Variants in MAGI2 observed in about 807,000 individuals in gnomAD.
The protein encoded by MAGI2 is membrane-associated guanylate kinase, WW and PDZ domain-containing protein 2.
A neutral mutation model predicts 133.3 loss-of-function variants in MAGI2; 35 were observed. The ratio of observed to expected loss-of-function variants is 0.26; its 90% CI spans 0.20 to 0.35. The LOEUF (loss-of-function observed/expected upper bound fraction) is 0.35. Among genes scored for constraint, MAGI2 ranks in the 10% least tolerant of loss-of-function variants. The pLI, the probability that MAGI2 is intolerant of heterozygous loss-of-function variation, is 1.00. For synonymous variants in MAGI2, 729 were observed against 710.6 expected, an observed-to-expected ratio of 1.03 and a Z score of -0.41; for missense variants, 1,636 against 1,863.4, an observed-to-expected ratio of 0.88 and a Z score of 2.25.
At chr7:78,937,066 A>C (rs1217975146) in intron 2 of MAGI2, among the ~76,000 whole-genome samples, 1 of 152,036 alleles carries the variant, frequency 6.6e-6, no homozygotes, top group Non-Finnish European at 1.5e-5. Flanking sequence ...GGCTAATAGC[A>C]GTTCCGGGGA....
At chr7:78,678,021 T>C (rs1167155454) in intron 2 of MAGI2, among the ~76,000 whole-genome samples, 2 of 152,062 alleles carry the variant, frequency 1.3e-5, no homozygotes, top group African/African-American at 4.8e-5. Context: ...AAAATTCATA[T>C]TCAAGTTCAG....
intron 1 of MAGI2, among the ~76,000 whole-genome samples, chr7:79,173,498 T>C (rs991944224): frequency 6.6e-6 from 1 of 152,076 alleles, no homozygotes; most frequent in Admixed American, 6.6e-5. Flanking sequence ...GCTTACTTTT[T>C]TATTTTTAAT....
chr7:79,222,374 T>C (rs897474424), intron 1 of MAGI2, among the ~76,000 whole-genome samples: 3 of 152,198 alleles, frequency 2.0e-5, no homozygotes, highest in East Asian at 3.9e-4. Flanking sequence ...TTATATTATT[T>C]ATACACTTTG....
chr7:78,974,717 C>A (rs1804089435), intron 2 of MAGI2, among the ~76,000 whole-genome samples: 1 of 151,742 alleles, frequency 6.6e-6, no homozygotes, highest in Non-Finnish European at 1.5e-5. Flanking sequence ...TCACAGACAT[C>A]TAATCCTTAT....
chr7:79,415,133 G>A (rs1474982505), intron 1 of MAGI2: 2 of 152,092 alleles, frequency 1.3e-5, no homozygotes, highest in African/African-American at 4.8e-5. Context: ...ATCCAGTTTT[G>A]CTCATTACTC....
intron 1 of MAGI2, among the ~76,000 whole-genome samples, chr7:79,408,676 A>G (rs980016486): frequency 3.9e-5 from 6 of 152,130 alleles, no homozygotes; most frequent in African/African-American, 1.2e-4. Context: ...AGTAGAAACC[A>G]GGAACAAGTT....
chr7:78,354,115 G>C (rs1304078756), intron 7 of MAGI2, among the ~76,000 whole-genome samples: 2 of 152,128 alleles, frequency 1.3e-5, no homozygotes, highest in African/African-American at 4.8e-5. Context: ...AGTGTCCTAG[G>C]TATTGTTTTC....
chr7:78,835,403 G>A (rs1791528312), intron 2 of MAGI2, among the ~76,000 whole-genome samples: 1 of 152,116 alleles, frequency 6.6e-6, no homozygotes, highest in Admixed American at 6.6e-5. Flanking sequence ...ATATGATTTG[G>A]TTTAGGCAGC....
chr7:78,586,921 G>A (rs974076333), intron 3 of MAGI2, among the ~76,000 whole-genome samples: 4 of 152,048 alleles, frequency 2.6e-5, no homozygotes, highest in African/African-American at 9.7e-5. Flanking sequence ...ACTTTTTTAA[G>A]GCTGAACAAT....
chr7:78,223,051 G>A (rs1427773713), intron 10 of MAGI2, among the ~76,000 whole-genome samples: 3 of 152,106 alleles, frequency 2.0e-5, no homozygotes, highest in Non-Finnish European at 2.9e-5. Context: ...ATATTTCTGT[G>A]GATCATAAAT....
At chr7:78,420,174 C>T (rs753432161) in intron 6 of MAGI2, among the ~76,000 whole-genome samples, 70 of 152,208 alleles carry the variant, frequency 4.6e-4, no homozygotes, top group Non-Finnish European at 8.2e-4. Flanking sequence ...CTTTTTATTG[C>T]TACCAGAACA....
chr7:78,317,912 G>A (rs896208626), intron 9 of MAGI2, among the ~76,000 whole-genome samples: 3 of 152,150 alleles, frequency 2.0e-5, no homozygotes, highest in Non-Finnish European at 4.4e-5. Context: ...AAACAGAAAG[G>A]AATAGCATCA....
intron 10 of MAGI2, among the ~76,000 whole-genome samples, chr7:78,243,857 G>A (rs1039751724): frequency 3.3e-5 from 5 of 151,772 alleles, no homozygotes; most frequent in Middle Eastern, 3.2e-3. Context: ...AATCACTCTG[G>A]GTTTGTCATA....
chr7:78,941,728 T>TCTCACA (rs1307777961), intron 2 of MAGI2, among the ~76,000 whole-genome samples: 2 of 123,382 alleles, frequency 1.6e-5, no homozygotes, highest in Non-Finnish European at 3.6e-5. Flanking sequence ...GCCTATTTCA[T>TCTCACA]CACACACACA....
In MAGI2 at chr7:78,157,524, T is replaced by TACAC. The variant is rs3840595; in HGVS notation, c.2845+2497_2845+2500dup. On this transcript the variant is annotated intron_variant, in intron 16 of 21. Coordinates refer to ENST00000354212, the MANE Select transcript of MAGI2 (RefSeq NM_012301.4). ...TAGTAAGTGCACATGTACACATACA[T>TACAC]ACACACACACACACACATTCCCCTA... Among the ~76,000 whole-genome samples the TACAC allele has an allele frequency of 6.6e-5, 10 of 151,194 alleles. No homozygotes were observed. In the East Asian group the frequency reaches 7.7e-4, roughly 12 times the overall value.
At chr7:78,797,782 G>T (rs945805378) in intron 2 of MAGI2, among the ~76,000 whole-genome samples, 2 of 152,072 alleles carry the variant, frequency 1.3e-5, no homozygotes, top group African/African-American at 2.4e-5. Context: ...ATATATTCAC[G>T]CTAGGGGTAA....
At chr7:79,061,598 T>C (rs1463014123) in intron 1 of MAGI2, among the ~76,000 whole-genome samples, 1 of 152,054 alleles carries the variant, frequency 6.6e-6, no homozygotes, top group East Asian at 1.9e-4. Context: ...GTGATGAAGA[T>C]AGGGAATTAT....
intron 3 of MAGI2, among the ~76,000 whole-genome samples, chr7:78,607,216 G>A (rs1444132871): frequency 6.6e-6 from 1 of 152,098 alleles, no homozygotes; most frequent in Non-Finnish European, 1.5e-5. Context: ...AGAGGTGAGA[G>A]AAAACATCAC....
intron 17 of MAGI2, chr7:78,134,309 G>A (rs1821873473): frequency 1.3e-5 from 2 of 152,196 alleles, no homozygotes; most frequent in Admixed American, 1.3e-4. Context: ...GCCTCTGTGT[G>A]GGACACTCAT....
Sources: gnomAD v4.1 joint callset for allele counts (sites outside exome capture counted in the v4.1 genomes callset) on GRCh38, gnomAD v4.1.1 for gene constraint, MANE v1.5 for transcripts, NCBI Gene and HGNC (gene_info 2026-07-23, HGNC 2026-07-21) for gene names.